The following HABP4 variants were observed in gnomAD, a reference collection of about 807,000 sequenced individuals.
HABP4 encodes the protein intracellular hyaluronan-binding protein 4.
HABP4 carries 32 observed loss-of-function variants against 44.1 expected under a neutral mutation model. The observed-to-expected ratio is 0.73, with a 90% CI of 0.55 to 0.97. The LOEUF (loss-of-function observed/expected upper bound fraction) is 0.97, where lower values mean the gene tolerates loss of function less well. Ranked by LOEUF, HABP4 falls within the 50% of genes least tolerant of loss-of-function variation. The pLI is 0.00. For synonymous variants in HABP4, 216 were observed against 218.0 expected, an observed-to-expected ratio of 0.99 and a Z score of 0.08; for missense variants, 503 against 561.9, an observed-to-expected ratio of 0.90 and a Z score of 1.06.
intron 4 of HABP4, among the ~76,000 whole-genome samples, chr9:96,470,777 A>G (rs1832681050): frequency 6.6e-6 from 1 of 151,646 alleles, no homozygotes; most frequent in African/African-American, 2.4e-5. Context: ...GACGCCTGTA[A>G]TCCCAGTTAC....
intron 2 of HABP4, among the ~76,000 whole-genome samples, chr9:96,460,706 A>G (rs965432957): frequency 6.6e-6 from 1 of 152,238 alleles, no homozygotes; most frequent in Non-Finnish European, 1.5e-5. Context: ...ATTTTATAAC[A>G]TGTCCCAGAT....
chr9:96,465,292 T>C (rs775379121), intron 2 of HABP4, 45 bp from the exon 3 acceptor site: 2 of 1,311,474 alleles, frequency 1.5e-6, no homozygotes, highest in African/African-American at 2.9e-5. Context: ...GGAGAGACCT[T>C]AGACCTTTAA....
At chr9:96,469,614 C>T (rs1262570933) in intron 4 of HABP4, among the ~76,000 whole-genome samples, 1 of 152,170 alleles carries the variant, frequency 6.6e-6, no homozygotes, top group African/African-American at 2.4e-5. Flanking sequence ...CCTCCGCCTC[C>T]CGGGTTCAAG....
At chr9:96,476,760 T>C (rs1832792210) in intron 5 of HABP4, among the ~76,000 whole-genome samples, 1 of 152,236 alleles carries the variant, frequency 6.6e-6, no homozygotes, top group Admixed American at 6.5e-5. Flanking sequence ...AGTGTGTGTT[T>C]GCTAATAACT....
intron 5 of HABP4, among the ~76,000 whole-genome samples, chr9:96,472,516 G>C (rs955060036): frequency 6.6e-6 from 1 of 152,084 alleles, no homozygotes; most frequent in Non-Finnish European, 1.5e-5. Flanking sequence ...TGCTACACCT[G>C]CACGCCTCCT....
Position 96,450,742 on chromosome 9 carries a change from C to T in HABP4, c.349+114C>T. On this transcript the variant is annotated intron_variant, in intron 1 of 7. Coordinates refer to ENST00000375249, the MANE Select transcript of HABP4 (RefSeq NM_014282.4). This position sits in a 1 kb window ranked among gnomAD's most constrained non-coding sequence, Gnocchi z 4.8. ...GGAACAGTAGGGAGAGTTGAGGGTC[C>T]TGGTGGCCGCCGAAGGTAGGAGGAG... 1.1e-6 allele frequency: 1 copy of T among 872,112 alleles called. No homozygotes were observed. The highest frequency in any genetic ancestry group is 1.5e-6 in the Non-Finnish European group (1 of 668,082). The allele number at this position is 872,112 out of a possible 1,614,324, so 54.0% of individuals were successfully genotyped here.
intron 1 of HABP4, among the ~76,000 whole-genome samples, chr9:96,451,876 A>G (rs1832284791): frequency 6.6e-6 from 1 of 152,196 alleles, no homozygotes; most frequent in South Asian, 2.1e-4. Flanking sequence ...AAACTTATTT[A>G]CATCAATATA....
At chr9:96,481,124 G>A (rs1005124370) in intron 5 of HABP4, among the ~76,000 whole-genome samples, 14 of 152,066 alleles carry the variant, frequency 9.2e-5, no homozygotes, top group Admixed American at 3.3e-4. Flanking sequence ...TTGTTCTGTC[G>A]CCCAGGCTGG....
At chr9:96,485,945 G>A (rs1405127488) in intron 6 of HABP4, among the ~76,000 whole-genome samples, 1 of 151,952 alleles carries the variant, frequency 6.6e-6, no homozygotes, top group Non-Finnish European at 1.5e-5. Flanking sequence ...AAGATACAGG[G>A]TTCTTGGGAG....
intron 2 of HABP4, among the ~76,000 whole-genome samples, chr9:96,461,635 A>G (rs1832501089): frequency 6.6e-6 from 1 of 152,310 alleles, no homozygotes; most frequent in Non-Finnish European, 1.5e-5. Flanking sequence ...AATCCATGGC[A>G]GCTGGCTGTG....
intron 2 of HABP4, among the ~76,000 whole-genome samples, chr9:96,464,516 G>T (rs139954172): frequency 2.8e-4 from 42 of 152,342 alleles, no homozygotes; most frequent in African/African-American, 9.9e-4. Context: ...TCCCTTCTGT[G>T]AATCTTGAAT....
rs181287910 is a variant in HABP4 at position 96,482,809 on chromosome 9, C to T, written c.828-1653C>T. Among the ~76,000 whole-genome samples, 629 of 152,080 alleles carry T rather than the reference C, an allele frequency of 4.1e-3. 3 individuals carry two copies. The highest frequency in any genetic ancestry group is 6.8e-3 in the Middle Eastern group (2 of 294). On this transcript the variant is annotated intron_variant, in intron 5 of 7. Transcript: ENST00000375249. ...TCATTTTTTCAAGGTTTGTTCATGT[C>T]GTAATGTGTATTAATACTTTGTTTC...
chr9:96,460,104 G>GTTTCCCCCTTTTT, intron 2 of HABP4, among the ~76,000 whole-genome samples: 1 of 152,010 alleles, frequency 6.6e-6, no homozygotes, highest in Admixed American at 6.6e-5. Flanking sequence ...CCCTTTTTTA[G>GTTTCCCCCTTTTT]TAGCAAGACT....
intron 5 of HABP4, among the ~76,000 whole-genome samples, chr9:96,476,881 A>G (rs1359087248): frequency 6.6e-6 from 1 of 152,226 alleles, no homozygotes; most frequent in Non-Finnish European, 1.5e-5. Flanking sequence ...TGCCTCTGAT[A>G]TGGGGCATTT....
intron 2 of HABP4, among the ~76,000 whole-genome samples, chr9:96,460,657 T>C (rs1832485374): frequency 6.6e-6 from 1 of 152,246 alleles, no homozygotes; most frequent in Admixed American, 6.5e-5. Flanking sequence ...CCTTCCTTTG[T>C]CCTTATGAAT....
At chr9:96,457,799 C>T (rs1174190418) in intron 1 of HABP4, among the ~76,000 whole-genome samples, 5 of 152,046 alleles carry the variant, frequency 3.3e-5, no homozygotes, top group Admixed American at 2.0e-4. Flanking sequence ...GCCTGGGAGG[C>T]GGAGATTGCA....
chr9:96,451,483 A>G (rs1388698687), intron 1 of HABP4: 1 of 984,862 alleles, frequency 1.0e-6, no homozygotes, highest in Non-Finnish European at 1.2e-6. Flanking sequence ...CAGCGGTCCC[A>G]AGGTTTGCAG....
chr9:96,458,487 C>A lies in HABP4; in HGVS notation c.458C>A (p.Pro153His), dbSNP rs946672484. Reference sequence around the variant, plus strand: ...CGGAGATCCTACAGGGAATACCGACCCTATGAGACAGAGAGGCAGGCAGAC... The same window carrying A: ...CGGAGATCCTACAGGGAATACCGACACTATGAGACAGAGAGGCAGGCAGAC... Reference protein sequence around the residue: ...AERRSYREYRPYETERQADFT... With the variant: ...AERRSYREYRHYETERQADFT... Residue 153 changes from proline (P) to histidine (H), a missense_variant, in exon 2 of 8, where the codon CCC becomes CAC. Physicochemically the swap from Pro to His is moderately conservative, Grantham distance 77. Coordinates refer to ENST00000375249, the MANE Select transcript of HABP4 (RefSeq NM_014282.4). 4 of 1,613,212 alleles carry A rather than the reference C, an allele frequency of 2.5e-6. No individual in the cohort carries two copies. In the Middle Eastern group the frequency reaches 5.0e-4, roughly 200 times the overall value.
In HABP4 at chr9:96,490,427, A is replaced by G. The variant is rs1053188595; in HGVS notation, c.*389A>G. ...GTGCCTTTAGCGTTAGAGGAAACAC[A>G]TAGAGCTGGAACTGTTAATGGAAAG... On this transcript the variant is annotated 3_prime_UTR_variant, in exon 8 of 8. Transcript: ENST00000375249. The G allele has an allele frequency of 3.5e-5, 6 of 171,608 alleles. No homozygotes were observed. Among genetic ancestry groups the G allele is most frequent in the Non-Finnish European group, 4.9e-5 (4 of 80,966 alleles). 10.6% of individuals were successfully genotyped at this position (171,608 alleles called of 1,614,324 possible).
Sources: allele counts gnomAD v4.1 joint callset (sites outside exome capture counted in the v4.1 genomes callset), GRCh38; gene constraint gnomAD v4.1.1; non-coding constraint Gnocchi (gnomAD v3.1); transcripts MANE v1.5; gene names NCBI Gene and HGNC (gene_info 2026-07-23, HGNC 2026-07-21).